The following SORCS1 variants were observed in gnomAD, a reference collection of about 807,000 sequenced individuals.
SORCS1 encodes sortilin related VPS10 domain containing receptor 1.
In SORCS1, 60 loss-of-function variants were observed where a neutral mutation model predicts 146.1. The ratio of observed to expected loss-of-function variants is 0.41; its 90% CI spans 0.33 to 0.51. The LOEUF (loss-of-function observed/expected upper bound fraction) is 0.51. Ranked by LOEUF, SORCS1 falls within the 20% of genes least tolerant of loss-of-function variation. The pLI, the probability that SORCS1 is intolerant of heterozygous loss-of-function variation, is 0.21. For missense variants in SORCS1, 1,352 were observed against 1,487.6 expected (o/e 0.91, Z 1.50); for synonymous variants, 637 against 584.0 (o/e 1.09, Z -1.31).
At chr10:106,950,533 TGCTCAGAATGTTACA>T (rs1194479898) in intron 2 of SORCS1, among the ~76,000 whole-genome samples, 1 of 152,202 alleles carries the variant, frequency 6.6e-6, no homozygotes, top group Admixed American at 6.5e-5. Context: ...AGGCAATTGC[TGCTCAGAATGTTACA>T]GCACGTAGAA....
intron 20 of SORCS1, among the ~76,000 whole-genome samples, chr10:106,619,765 A>G (rs1158212616): frequency 3.3e-5 from 5 of 152,248 alleles, no homozygotes; most frequent in Admixed American, 2.6e-4. Flanking sequence ...TCTCATGTGC[A>G]AAATGAAAGA....
chr10:106,945,913 C>T (rs1000709056), intron 2 of SORCS1, among the ~76,000 whole-genome samples: 4 of 152,134 alleles, frequency 2.6e-5, no homozygotes, highest in Non-Finnish European at 4.4e-5. Flanking sequence ...CCTTATAGAA[C>T]GAGCTTTCAC....
Position 106,667,817 on chromosome 10 carries a change from C to G in SORCS1, c.2190-15G>C. 1 of 1,604,980 alleles carries G rather than the reference C, an allele frequency of 6.2e-7. No homozygotes were observed. Among genetic ancestry groups the G allele is most frequent in the Non-Finnish European group, 8.5e-7 (1 of 1,173,530 alleles). On this transcript the variant is annotated splice_polypyrimidine_tract_variant and intron_variant, in intron 16 of 25. Coordinates refer to ENST00000263054, the MANE Select transcript of SORCS1 (RefSeq NM_052918.5). Reference sequence around the variant, plus strand: ...AACCATAGTCGCTGTTAGGAAAGAGCCGAGAAAAACCTTTCACTAGGTGGC... The same window carrying G: ...AACCATAGTCGCTGTTAGGAAAGAGGCGAGAAAAACCTTTCACTAGGTGGC...
At chr10:107,006,253 C>T (rs980542789) in intron 1 of SORCS1, among the ~76,000 whole-genome samples, 1 of 152,164 alleles carries the variant, frequency 6.6e-6, no homozygotes, top group Non-Finnish European at 1.5e-5. Context: ...TAACCTATAT[C>T]CTTGTGTCTG....
rs1335510455 is a variant in SORCS1 at position 107,042,188 on chromosome 10, CT to C, written c.559-85609del. Among the ~76,000 whole-genome samples the C allele has an allele frequency of 2.0e-5, 3 of 152,286 alleles. No individual in the cohort carries two copies. The East Asian group carries it at 5.8e-4, about 29-fold the overall frequency. On this transcript the variant is annotated intron_variant, in intron 1 of 25. Transcript: ENST00000263054. ...ACGGATCTCCTGTTGTGGTTTAGAA[CT>C]TGTATCTATAAATTTCATTCTGTCT...
At chr10:107,050,025 T>G (rs1383388767) in intron 1 of SORCS1, among the ~76,000 whole-genome samples, 1 of 152,210 alleles carries the variant, frequency 6.6e-6, no homozygotes, top group African/African-American at 2.4e-5. Flanking sequence ...CAAGTGTACA[T>G]GCATATTCCA....
rs12240340 is a variant in SORCS1 at position 106,947,981 on chromosome 10, G to A, written c.626+8532C>T. On this transcript the variant is annotated intron_variant, in intron 2 of 25. Transcript: ENST00000263054. ...AATTAAGCATGCAGTTGTTTAATTC[G>A]ATATACTGTACAATATGCATACTCT... 7.4e-3 allele frequency among the ~76,000 whole-genome samples: 1,128 copies of A among 152,198 alleles called. 11 individuals are homozygous for A. The highest frequency in any genetic ancestry group is 0.026 in the African/African-American group (1,079 of 41,540).
chr10:106,640,055 A>G (rs777605862), intron 18 of SORCS1, among the ~76,000 whole-genome samples: 4 of 152,150 alleles, frequency 2.6e-5, no homozygotes, highest in Non-Finnish European at 5.9e-5. Flanking sequence ...CTGCCTCAAC[A>G]TAACACTGTT....
chr10:106,747,532 A>G (rs528422452), intron 5 of SORCS1, among the ~76,000 whole-genome samples: 3 of 152,270 alleles, frequency 2.0e-5, no homozygotes, highest in African/African-American at 4.8e-5. Flanking sequence ...ATTTTCCTCT[A>G]TCTACTCTGC....
chr10:106,622,115 C>T (rs1042369922), intron 19 of SORCS1, among the ~76,000 whole-genome samples: 3 of 151,690 alleles, frequency 2.0e-5, no homozygotes, highest in Admixed American at 6.6e-5. Context: ...CATGGTGAAA[C>T]CCCATCTCTA....
At chr10:106,867,711 C>G (rs1188264321) in intron 2 of SORCS1, among the ~76,000 whole-genome samples, 1 of 152,144 alleles carries the variant, frequency 6.6e-6, no homozygotes, top group Admixed American at 6.5e-5. Context: ...CAATGGAACA[C>G]TAAGTATAGA....
chr10:107,052,865 A>G (rs1960256199), intron 1 of SORCS1, among the ~76,000 whole-genome samples: 1 of 152,122 alleles, frequency 6.6e-6, no homozygotes, highest in African/African-American at 2.4e-5. Context: ...ATATTTGTAG[A>G]AAATGATCCT....
At position 106,577,535 on chromosome 10, in the gene SORCS1, G is replaced by C; in HGVS notation, c.3392C>G (p.Pro1131Arg). 1 of 1,609,226 alleles carries C rather than the reference G, an allele frequency of 6.2e-7. No homozygotes were observed. The highest frequency in any genetic ancestry group is 1.1e-5 in the South Asian group (1 of 91,032). The change falls in exon 26 of 26, where the codon CCT becomes CGT. Residue 1131 changes from proline (P) to arginine (R), a missense_variant. Pro to Arg is a moderately radical substitution (Grantham distance 103). This residue lies in a region of SORCS1 where 214 missense variants were observed against 204.8 expected (regional missense o/e 1.05). Transcript: ENST00000263054. ...KFKRRVALPS[P>R]PSPSTQPGDS... ...ACCAGGTTGAGTAGAAGGGGAGGGA[G>C]GGGAGGGTAAAGCTACTCTCCTAAG... is the stretch of plus-strand genomic sequence containing the variant.
chr10:106,772,894 AC>A (rs1240256449), intron 4 of SORCS1, among the ~76,000 whole-genome samples: 1 of 152,050 alleles, frequency 6.6e-6, no homozygotes, highest in Non-Finnish European at 1.5e-5. Context: ...GGAGCTCCAA[AC>A]TCTGTCCTTA....
At chr10:106,881,371 T>G (rs1394881998) in intron 2 of SORCS1, among the ~76,000 whole-genome samples, 2 of 152,216 alleles carry the variant, frequency 1.3e-5, no homozygotes, top group African/African-American at 4.8e-5. Context: ...CTGTAGCTAT[T>G]TAATAAATAC....
intron 1 of SORCS1, among the ~76,000 whole-genome samples, chr10:107,034,257 G>A (rs1332461875): frequency 6.6e-6 from 1 of 152,166 alleles, no homozygotes; most frequent in Non-Finnish European, 1.5e-5. Flanking sequence ...AGTCAATACA[G>A]TTGGCCATGC....
chr10:106,784,555 AC>A (rs1172332110), intron 3 of SORCS1, among the ~76,000 whole-genome samples: 1 of 152,124 alleles, frequency 6.6e-6, no homozygotes, highest in African/African-American at 2.4e-5. Flanking sequence ...CTCCGTTCCA[AC>A]CCAATCAGAA....
chr10:106,781,463 C>A (rs1175988021), intron 3 of SORCS1, among the ~76,000 whole-genome samples: 3 of 152,070 alleles, frequency 2.0e-5, no homozygotes, highest in African/African-American at 7.2e-5. Flanking sequence ...GCTCCAGATG[C>A]CCATATCACA....
chr10:106,618,312 T>C, intron 20 of SORCS1, 40 bp from the exon 21 acceptor site: 2 of 1,605,860 alleles, frequency 1.2e-6, no homozygotes. Flanking sequence ...GAAAGCTCTT[T>C]AGTTACAGGT....
Sources: allele counts gnomAD v4.1 joint callset (sites outside exome capture counted in the v4.1 genomes callset), GRCh38; gene constraint gnomAD v4.1.1; regional missense constraint gnomAD v4.1.1; transcripts MANE v1.5; gene names NCBI Gene and HGNC (gene_info 2026-07-23, HGNC 2026-07-21).